The following CCND1 variants were observed in gnomAD, a reference collection of about 807,000 sequenced individuals.
The protein encoded by CCND1 is G1/S-specific cyclin-D1.
Under a neutral mutation model 26.1 loss-of-function variants are expected in CCND1, and 9 were observed. That is an observed-to-expected ratio of 0.35 (90% confidence interval 0.21 to 0.60). The LOEUF is 0.60. Among genes scored for constraint, CCND1 ranks in the 20% least tolerant of loss-of-function variants. The pLI is 0.79. For synonymous variants in CCND1, 194 were observed against 166.1 expected, an observed-to-expected ratio of 1.17 and a Z score of -1.29; for missense variants, 335 against 392.9, an observed-to-expected ratio of 0.85 and a Z score of 1.25.
At chr11:69,648,334 C>T (rs1796144559) in intron 4 of CCND1, 192 bp downstream of exon 4, 3 of 613,356 alleles carry the variant, frequency 4.9e-6, no homozygotes, top group Non-Finnish European at 8.4e-6. Context: ...AACTTACTGA[C>T]TGGCTGGGAG....
Position 69,651,099 on chromosome 11 carries a change from C to T in CCND1, c.724-19C>T, listed in dbSNP as rs1257627318. 1.2e-6 allele frequency: 2 copies of T among 1,608,812 alleles called. No individual in the cohort carries two copies. The highest frequency in any genetic ancestry group is 4.5e-5 in the East Asian group (2 of 44,356). Reference sequence around the variant, plus strand: ...TAAGGACCCCCTCTTCCCACCTCTCCCCACCCTCTCTCTCTCAGGACTGCC... The same window carrying T: ...TAAGGACCCCCTCTTCCCACCTCTCTCCACCCTCTCTCTCTCAGGACTGCC... On this transcript the variant is annotated intron_variant, in intron 4 of 4. Coordinates refer to ENST00000227507, the MANE Select transcript of CCND1 (RefSeq NM_053056.3).
chr11:69,641,520 C>T lies in CCND1; in HGVS notation c.198+9C>T. 6.2e-7 allele frequency: 1 copy of T among 1,612,490 alleles called. No individual in the cohort carries two copies. The highest frequency in any genetic ancestry group is 8.5e-7 in the Non-Finnish European group (1 of 1,179,768). ...CCACCTGGATGCTGGAGGTGCGGGG[C>T]TTCGGGCGGCTCTCTTAAGACTTCC... On this transcript the variant is annotated intron_variant, in intron 1 of 4. Coordinates refer to ENST00000227507, the MANE Select transcript of CCND1 (RefSeq NM_053056.3).
rs541475817 is a variant in CCND1, at chr11:69,651,031, G to A, written c.724-87G>A. 448 of 1,322,088 alleles carry A rather than the reference G, an allele frequency of 3.4e-4. 1 individual carries two copies. Among genetic ancestry groups the A allele is most frequent in the Admixed American group, 1.1e-3 (48 of 42,270 alleles). The allele number at this position is 1,322,088 out of a possible 1,614,324, so 81.9% of individuals were successfully genotyped here. Reference sequence around the variant, plus strand: ...TAGTCTTGCTCTTATAAAGGCTTCCGGGTCATGGCACCTGGGAAGGGGCCC... The same window carrying A: ...TAGTCTTGCTCTTATAAAGGCTTCCAGGTCATGGCACCTGGGAAGGGGCCC... On this transcript the variant is annotated intron_variant, in intron 4 of 4. Coordinates refer to ENST00000227507, the MANE Select transcript of CCND1 (RefSeq NM_053056.3).
intron 4 of CCND1, among the ~76,000 whole-genome samples, chr11:69,649,045 G>A (rs1565073127): frequency 6.6e-6 from 1 of 152,192 alleles, no homozygotes; most frequent in African/African-American, 2.4e-5. Flanking sequence ...AAGTTGGCAG[G>A]GGCCTCCCTT....
In CCND1 at chr11:69,651,413, G is replaced by A; in HGVS notation, c.*131G>A. 1.2e-6 allele frequency: 1 copy of A among 803,046 alleles called. No homozygotes were observed. Among genetic ancestry groups the A allele is most frequent in the Non-Finnish European group, 1.8e-6 (1 of 569,072 alleles). 49.7% of individuals were successfully genotyped at this position (803,046 alleles called of 1,614,324 possible). ...GGAAAGCTTCATTCTCCTTGTTGTT[G>A]GTTGTTTTTTCCTTTGCTCTTTCCC... On this transcript the variant is annotated 3_prime_UTR_variant, in exon 5 of 5. Coordinates refer to ENST00000227507, the MANE Select transcript of CCND1 (RefSeq NM_053056.3).
chr11:69,653,324 T>G lies in CCND1; in HGVS notation c.*2042T>G, dbSNP rs1337700185. 1 of 702,952 alleles carries G rather than the reference T, an allele frequency of 1.4e-6. No individual in the cohort carries two copies. The highest frequency in any genetic ancestry group is 1.5e-5 in the South Asian group (1 of 67,582). The allele number at this position is 702,952 out of a possible 1,614,324, so 43.5% of individuals were successfully genotyped here. On this transcript the variant is annotated 3_prime_UTR_variant, in exon 5 of 5. Coordinates refer to ENST00000227507, the MANE Select transcript of CCND1 (RefSeq NM_053056.3). ...TCTCTTTCACATTGTTTGCTGCTAT[T>G]GGAGGATCAGTTTTTTGTTTTACAA...
rs1419585038 is a variant in CCND1 at position 69,643,110 on chromosome 11, C to T, written c.278C>T (p.Pro93Leu). Residue 93 changes from proline (P) to leucine (L), a missense_variant, in exon 2 of 5, where the codon CCC becomes CTC. Coordinates refer to ENST00000227507, the MANE Select transcript of CCND1 (RefSeq NM_053056.3). The part of the protein sequence containing the change: ...NYLDRFLSLE[P>L]VKKSRLQLLG... Reference sequence around the variant, plus strand: ...CTGGACCGCTTCCTGTCGCTGGAGCCCGTGAAAAAGAGCCGCCTGCAGCTG... The same window carrying T: ...CTGGACCGCTTCCTGTCGCTGGAGCTCGTGAAAAAGAGCCGCCTGCAGCTG... The T allele has an allele frequency of 2.5e-6, 4 of 1,611,190 alleles. No individual in the cohort carries two copies. In the South Asian group the frequency reaches 4.4e-5, roughly 18 times the overall value.
chr11:69,644,015 G>A (rs1219404091), intron 3 of CCND1, 24 bp downstream of exon 3: 2 of 1,612,458 alleles, frequency 1.2e-6, no homozygotes, highest in African/African-American at 1.3e-5. Flanking sequence ...GGCAGCCCCC[G>A]GCCTCCCCTT....
At chr11:69,642,175 G>A (rs1169512957) in intron 1 of CCND1, among the ~76,000 whole-genome samples, 1 of 151,730 alleles carries the variant, frequency 6.6e-6, no homozygotes, top group Non-Finnish European at 1.5e-5. Flanking sequence ...AGCGAGTCCC[G>A]GGGCGCCCCG....
chr11:69,643,306 C>G, intron 2 of CCND1, 60 bp downstream of exon 2: 2 of 1,392,524 alleles, frequency 1.4e-6, no homozygotes, highest in Non-Finnish European at 9.8e-7. Context: ...ACCACGGGGC[C>G]GGGGAAGGTG....
At chr11:69,647,062 C>T (rs1257813016) in intron 3 of CCND1, among the ~76,000 whole-genome samples, 1 of 152,166 alleles carries the variant, frequency 6.6e-6, no homozygotes, top group Non-Finnish European at 1.5e-5. Flanking sequence ...GGGAAAGCTG[C>T]TCCCTCCTGG....
intron 4 of CCND1, among the ~76,000 whole-genome samples, chr11:69,650,000 A>G (rs528374686): frequency 1.8e-4 from 27 of 152,300 alleles, no homozygotes; most frequent in African/African-American, 5.8e-4. Flanking sequence ...AGCCCTCCCT[A>G]TAAAGGTACA....
rs551627621 is a variant in CCND1, at chr11:69,652,931, G to A, written c.*1649G>A. 3.4e-4 allele frequency: 99 copies of A among 290,282 alleles called. No individual in the cohort carries two copies. In the Middle Eastern group the frequency reaches 4.8e-3, roughly 14 times the overall value. The allele number at this position is 290,282 out of a possible 1,614,324, so 18.0% of individuals were successfully genotyped here. ...AAGACATTGATTCAGCCTGTTTGGC[G>A]TTTCCCAGAGTCATCTGATTGGACA... On this transcript the variant is annotated 3_prime_UTR_variant, in exon 5 of 5. Transcript: ENST00000227507.
chr11:69,654,051 G>A lies in CCND1; in HGVS notation c.*2769G>A, dbSNP rs760484924. 19 of 603,612 alleles carry A rather than the reference G, an allele frequency of 3.1e-5. No homozygotes were observed. Among genetic ancestry groups the A allele is most frequent in the Non-Finnish European group, 5.6e-5 (19 of 338,138 alleles). The allele number at this position is 603,612 out of a possible 1,614,324, so 37.4% of individuals were successfully genotyped here. On this transcript the variant is annotated 3_prime_UTR_variant, in exon 5 of 5. Coordinates refer to ENST00000227507, the MANE Select transcript of CCND1 (RefSeq NM_053056.3). The surrounding 1 kb of genome is among the most constrained non-coding windows in gnomAD (Gnocchi z 6.3). ...CAAAAGAATTTGCACCCCGCTGCGG[G>A]CCCACGTGGTTGGGGCCCTGCCCTG...
Position 69,643,189 on chromosome 11 carries a change from G to A in CCND1, c.357G>A (p.Leu119=), listed in dbSNP as rs2120089749. 1 of 1,606,244 alleles carries A rather than the reference G, an allele frequency of 6.2e-7. No homozygotes were observed. The highest frequency in any genetic ancestry group is 2.2e-5 in the East Asian group (1 of 44,596). The stretch of plus-strand genomic sequence containing the variant: ...CTAAGATGAAGGAGACCATCCCCCT[G>A]ACGGCCGAGAAGCTGTGCATCTACA... ...VASKMKETIP[L]TAEKLCIYTD... The change falls in exon 2 of 5, where the codon CTG becomes CTA. Residue 119 remains leucine, a synonymous_variant. Transcript: ENST00000227507.
intron 4 of CCND1, among the ~76,000 whole-genome samples, chr11:69,650,536 G>C (rs1411316975): frequency 6.6e-6 from 1 of 152,206 alleles, no homozygotes; most frequent in Non-Finnish European, 1.5e-5. Flanking sequence ...GTGCCAGGCT[G>C]ATGGCTGGCC....
intron 2 of CCND1, chr11:69,643,587 C>T (rs1188986221): frequency 6.3e-6 from 3 of 472,630 alleles, no homozygotes; most frequent in Admixed American, 4.2e-5. Flanking sequence ...TTTGTTTCCA[C>T]TTGCAGAGTC....
chr11:69,643,016 C>T lies in CCND1; in HGVS notation c.199-15C>T, dbSNP rs1449084656. 1.3e-6 allele frequency: 2 copies of T among 1,543,832 alleles called. No homozygotes were observed. The highest frequency in any genetic ancestry group is 1.7e-6 in the Non-Finnish European group (2 of 1,144,234). ...CGACCTGGCGGCGGCGGTCACGGGC[C>T]CCGTGCCTCCGTAGGTCTGCGAGGA... is the stretch of plus-strand genomic sequence containing the variant. On this transcript the variant is annotated splice_polypyrimidine_tract_variant and intron_variant, in intron 1 of 4. Transcript: ENST00000227507.
chr11:69,648,232 C>T (rs987619423), intron 4 of CCND1, 90 bp downstream of exon 4: 2 of 1,491,508 alleles, frequency 1.3e-6, no homozygotes, highest in African/African-American at 1.4e-5. Context: ...GGTGCCAAGG[C>T]CCCCAAGGGT....
Sources: allele counts gnomAD v4.1 joint callset (sites outside exome capture counted in the v4.1 genomes callset), GRCh38; gene constraint gnomAD v4.1.1; non-coding constraint Gnocchi (gnomAD v3.1); transcripts MANE v1.5; gene names NCBI Gene and HGNC (gene_info 2026-07-23, HGNC 2026-07-21).